The following BDP1 variants were observed in gnomAD, a reference collection of about 807,000 sequenced individuals.
BDP1 encodes transcription factor TFIIIB component B'' homolog.
In BDP1, 169 loss-of-function variants were observed where a neutral mutation model predicts 266.6. The ratio of observed to expected loss-of-function variants is 0.63; its 90% CI spans 0.56 to 0.72. The LOEUF (loss-of-function observed/expected upper bound fraction) is 0.72, where lower values mean the gene tolerates loss of function less well. BDP1 is among the 30% of genes least tolerant of loss of function. BDP1 has a pLI of 0.00. For synonymous variants in BDP1, 1,090 were observed against 1,022.4 expected (o/e 1.07, Z -1.26); for missense variants, 3,015 against 3,053.8 (o/e 0.99, Z 0.30).
Position 71,564,791 on chromosome 5 carries a change from A to G in BDP1, c.7781A>G (p.Lys2594Arg). The change falls in exon 39 of 39, where the codon AAA becomes AGA. Residue 2594 changes from lysine to arginine, a missense_variant. Transcript: ENST00000358731. ...CAGCCCTTACTGAAAGAAGGATATA[A>G]AAGTGCCCAAAAGCGGGCCCCTCAA... Reference protein sequence around the residue: ...CDQPLLKEGYKSAQKRAPQGE... With the variant: ...CDQPLLKEGYRSAQKRAPQGE... The G allele has an allele frequency of 3.1e-6, 5 of 1,610,918 alleles. No individual in the cohort carries two copies. In the South Asian group the frequency reaches 5.5e-5, roughly 18 times the overall value.
rs550373997 is a variant in BDP1, at chr5:71,519,682, T to C, written c.4991+2230T>C. On this transcript the variant is annotated intron_variant, in intron 22 of 38. Coordinates refer to ENST00000358731, the MANE Select transcript of BDP1 (RefSeq NM_018429.3). Reference sequence around the variant, plus strand: ...TAAATAATATTCCATTGTGTATATATACCACACTTTCTCACTTTCTTTATT... The same window carrying C: ...TAAATAATATTCCATTGTGTATATACACCACACTTTCTCACTTTCTTTATT... Among the ~76,000 whole-genome samples the C allele has an allele frequency of 8.7e-4, 132 of 152,256 alleles. 1 individual carries two copies. The highest frequency in any genetic ancestry group is 3.2e-3 in the Middle Eastern group (1 of 316).
chr5:71,522,359 A>G lies in BDP1; in HGVS notation c.5062A>G (p.Asn1688Asp), dbSNP rs982298827. The change falls in exon 23 of 39, where the codon AAT becomes GAT. Residue 1688 changes from asparagine to aspartate, a missense_variant. Asn to Asp is a conservative substitution (Grantham distance 23, BLOSUM62 1). Transcript: ENST00000358731. Reference protein sequence around the residue: ...TRRKFQKAKPNLGRAHSKKEE... With the variant: ...TRRKFQKAKPDLGRAHSKKEE... The stretch of plus-strand genomic sequence containing the variant: ...AAGGAAATTCCAAAAGGCTAAGCCA[A>G]ATTTGGGAAGAGCACACAGTAAGAA... 8.7e-6 allele frequency: 14 copies of G among 1,613,910 alleles called. No individual in the cohort carries two copies. Among genetic ancestry groups the G allele is most frequent in the Non-Finnish European group, 1.2e-5 (14 of 1,179,946 alleles).
intron 13 of BDP1, among the ~76,000 whole-genome samples, chr5:71,498,246 G>A (rs1423490388): frequency 5.3e-5 from 8 of 151,802 alleles, no homozygotes; most frequent in South Asian, 2.1e-4. Context: ...CACCGCACCC[G>A]GCCTGATTTT....
intron 22 of BDP1, among the ~76,000 whole-genome samples, chr5:71,517,707 C>G (rs1196826639): frequency 6.6e-6 from 1 of 152,166 alleles, no homozygotes; most frequent in African/African-American, 2.4e-5. Flanking sequence ...AAGCATCCTA[C>G]TTTTTGGTAC....
Position 71,477,003 on chromosome 5 carries a change from C to A in BDP1, c.1014+6514C>A, listed in dbSNP as rs1003397530. On this transcript the variant is annotated intron_variant, in intron 7 of 38. Transcript: ENST00000358731. ...ACAGGCGTGAGCCATCGTGCCCGGC[C>A]CCCCCACCTTTTTTTTTTTTTAAGT... Among the ~76,000 whole-genome samples the A allele has an allele frequency of 4.6e-5, 7 of 151,960 alleles. No individual in the cohort carries two copies. The East Asian group carries it at 1.4e-3, about 29-fold the overall frequency.
At position 71,560,087 on chromosome 5, in the gene BDP1, C is replaced by T; in HGVS notation, c.7346C>T (p.Ser2449Phe). 6.2e-7 allele frequency: 1 copy of T among 1,614,084 alleles called. No homozygotes were observed. Among genetic ancestry groups the T allele is most frequent in the Non-Finnish European group, 8.5e-7 (1 of 1,180,014 alleles). Residue 2449 changes from serine to phenylalanine, a missense_variant, in exon 37 of 39, where the codon TCT (serine) becomes TTT (phenylalanine). Physicochemically the swap from Ser to Phe is radical, Grantham distance 155. Coordinates refer to ENST00000358731, the MANE Select transcript of BDP1 (RefSeq NM_018429.3). ...GAAGCAGCTTTTCAGAGTAGAGGAT[C>T]TAGATCTCCTGATGCATGCATGGAC... ...QVEAAFQSRG[S>F]RSPDACMDKN...
At chr5:71,482,825 C>G (rs1245436625) in intron 7 of BDP1, among the ~76,000 whole-genome samples, 2 of 152,010 alleles carry the variant, frequency 1.3e-5, no homozygotes, top group Non-Finnish European at 2.9e-5. Flanking sequence ...ATAAGATTAT[C>G]TTTGAAAACT....
chr5:71,504,862 A>G, intron 16 of BDP1, 111 bp downstream of exon 16: 2 of 939,352 alleles, frequency 2.1e-6, no homozygotes, highest in Admixed American at 2.6e-5. Flanking sequence ...CTGCGTGTCT[A>G]GTTATGTAGT....
At chr5:71,572,004 C>G (rs183853842), downstream of BDP1, among the ~76,000 whole-genome samples, 5 of 152,308 alleles carry the variant, frequency 3.3e-5, no homozygotes, top group East Asian at 1.9e-4. Context: ...TGTGGGCAAA[C>G]TCACTTCTGT....
intron 9 of BDP1, among the ~76,000 whole-genome samples, chr5:71,488,848 C>T (rs1763421429): frequency 6.6e-6 from 1 of 152,126 alleles, no homozygotes; most frequent in South Asian, 2.1e-4. Flanking sequence ...GCTGGGATTA[C>T]AGGCGCCTGC....
chr5:71,458,754 G>A lies in BDP1; in HGVS notation c.388G>A (p.Ala130Thr). The change falls in exon 2 of 39, where the codon GCC becomes ACC. Residue 130 changes from alanine to threonine, a missense_variant. Ala to Thr is a moderately conservative substitution (Grantham distance 58). Transcript: ENST00000358731. ...TINQEAPQPTATSTKEKQPCS... is the reference protein window; with the variant it reads ...TINQEAPQPTTTSTKEKQPCS... The stretch of plus-strand genomic sequence containing the variant: ...TAATCAAGAGGCTCCACAGCCAACT[G>A]CCACTTCAACAAAAGAGAAACAGCC... 3.1e-6 allele frequency: 5 copies of A among 1,614,080 alleles called. No homozygotes were observed. Among genetic ancestry groups the A allele is most frequent in the East Asian group, 4.5e-5 (2 of 44,862 alleles).
At chr5:71,527,297 C>T (rs181406108) in intron 25 of BDP1, among the ~76,000 whole-genome samples, 16 of 152,280 alleles carry the variant, frequency 1.1e-4, no homozygotes, top group African/African-American at 3.9e-4. Context: ...GATACAAACA[C>T]CCAACACCTG....
Position 71,515,030 on chromosome 5 carries a change from T to C in BDP1, c.4557T>C (p.Thr1519=), listed in dbSNP as rs1765149040. ...CTGTGATATTGCCATGTACACAGACTGAAAGGAACCTTTCACCTTCAAATT... is the reference window on the plus strand; with the variant it reads ...CTGTGATATTGCCATGTACACAGACCGAAAGGAACCTTTCACCTTCAAATT... ...EEAVILPCTQ[T]ERNLSPSNSC... The change falls in exon 20 of 39, where the codon ACT becomes ACC. Residue 1519 remains threonine, a synonymous_variant. Coordinates refer to ENST00000358731, the MANE Select transcript of BDP1 (RefSeq NM_018429.3). 1.2e-6 allele frequency: 2 copies of C among 1,613,280 alleles called. No homozygotes were observed. Among genetic ancestry groups the C allele is most frequent in the Non-Finnish European group, 1.7e-6 (2 of 1,179,684 alleles).
intron 26 of BDP1, 148 bp downstream of exon 26, chr5:71,532,575 T>C: frequency 1.5e-6 from 1 of 651,548 alleles, no homozygotes; most frequent in Non-Finnish European, 2.4e-6. Flanking sequence ...TAGTAAAAAC[T>C]AGTGAAAGCA....
At chr5:71,488,889 G>A (rs557654035) in intron 9 of BDP1, among the ~76,000 whole-genome samples, 165 of 151,926 alleles carry the variant, frequency 1.1e-3, no homozygotes, top group Non-Finnish European at 1.8e-3. Context: ...TGTATTTTTG[G>A]TAGAGATGGG....
At chr5:71,486,985 T>G (rs926060659) in intron 9 of BDP1, among the ~76,000 whole-genome samples, 1 of 152,192 alleles carries the variant, frequency 6.6e-6, no homozygotes, top group Admixed American at 6.5e-5. Context: ...AAAAAGGAAC[T>G]CTAATCTTCT....
intron 15 of BDP1, 38 bp downstream of exon 15, chr5:71,502,829 A>T: frequency 1.3e-6 from 2 of 1,532,058 alleles, no homozygotes; most frequent in Non-Finnish European, 1.8e-6. Context: ...TTTGGTAAGC[A>T]AGTACATGAG....
chr5:71,544,543 A>G (rs758260350), intron 31 of BDP1, 36 bp downstream of exon 31: 5 of 1,592,556 alleles, frequency 3.1e-6, no homozygotes, highest in Non-Finnish European at 2.6e-6. Context: ...TTCAGTTTAT[A>G]TTGTTTCAGC....
Position 71,524,644 on chromosome 5 carries a change from AT to A in BDP1, c.5772+330del, listed in dbSNP as rs35940745. 0.44 allele frequency among the ~76,000 whole-genome samples: 63,371 copies of A among 144,330 alleles called. 14,063 individuals carry two copies. Among genetic ancestry groups the A allele is most frequent in the South Asian group, 0.55 (2,545 of 4,638 alleles). The allele number at this position is 144,330 out of a possible 152,430, so 94.7% of individuals were successfully genotyped here. On this transcript the variant is annotated intron_variant, in intron 25 of 38. Transcript: ENST00000358731. ...TTTTTTATTTATTTATTTTTTATTT[AT>A]TTTTTTTTATTGATCATTCTTGGGT...
Sources: allele counts gnomAD v4.1 joint callset (sites outside exome capture counted in the v4.1 genomes callset), GRCh38; gene constraint gnomAD v4.1.1; transcripts MANE v1.5; gene names NCBI Gene and HGNC (gene_info 2026-07-23, HGNC 2026-07-21).